Variants in NAA35 observed in about 807,000 individuals in gnomAD.
NAA35 encodes MAK10 homolog, amino-acid N-acetyltransferase subunit.
NAA35 carries 18 observed loss-of-function variants against 101.7 expected under a neutral mutation model. That is an observed-to-expected ratio of 0.18 (90% CI 0.12 to 0.26). NAA35 has a LOEUF of 0.26. Ranked by LOEUF, NAA35 falls within the 10% of genes least tolerant of loss-of-function variation. NAA35 has a pLI of 1.00. For missense variants in NAA35, 601 were observed against 886.8 expected (o/e 0.68, Z 4.09); for synonymous variants, 267 against 273.1 (o/e 0.98, Z 0.22).
chr9:85,948,861 G>A (rs1297301471), intron 2 of NAA35, among the ~76,000 whole-genome samples: 1 of 151,984 alleles, frequency 6.6e-6, no homozygotes, highest in African/African-American at 2.4e-5. Flanking sequence ...GGGTTCAGGC[G>A]ATTCTCCTGC....
chr9:85,996,167 C>G (rs568851837), intron 11 of NAA35, among the ~76,000 whole-genome samples: 1 of 152,248 alleles, frequency 6.6e-6, no homozygotes, highest in East Asian at 1.9e-4. Context: ...TCACCACTAT[C>G]ACCACCATGT....
intron 11 of NAA35, among the ~76,000 whole-genome samples, chr9:85,994,825 A>C (rs139830627): frequency 1.1e-3 from 175 of 152,292 alleles, no homozygotes; most frequent in African/African-American, 4.1e-3. Flanking sequence ...GATAGTACAG[A>C]AGGGAGACTA....
At chr9:85,955,327 C>CATATACATATATAT (rs1829195610) in intron 2 of NAA35, among the ~76,000 whole-genome samples, 1 of 82,864 alleles carries the variant, frequency 1.2e-5, no homozygotes, top group African/African-American at 5.0e-5. Context: ...CATCTATATA[C>CATATACATATATAT]ATATATATAT....
chr9:86,018,593 T>C (rs981648671), intron 20 of NAA35, 106 bp from the exon 21 acceptor site: 1 of 1,431,446 alleles, frequency 7.0e-7, no homozygotes, highest in African/African-American at 1.4e-5. Context: ...CCCCAGTGTC[T>C]GTGTATGAGT....
At chr9:86,006,341 C>G (rs573870849) in intron 13 of NAA35, among the ~76,000 whole-genome samples, 1 of 152,106 alleles carries the variant, frequency 6.6e-6, no homozygotes. Flanking sequence ...ACATTCTTCT[C>G]GAAACCTCTG....
rs376096017 is a variant in NAA35 at position 86,008,259 on chromosome 9, C to T, written c.1223+795C>T. ...TGTATTTTTAGTAGAGATGGGCTTT[C>T]GCTATGTTGGCCAGGCTGGTCTCAA... is the stretch of plus-strand genomic sequence containing the variant. On this transcript the variant is annotated intron_variant, in intron 14 of 22. Coordinates refer to ENST00000361671, the MANE Select transcript of NAA35 (RefSeq NM_024635.4). Among the ~76,000 whole-genome samples, 299 of 152,236 alleles carry T rather than the reference C, an allele frequency of 2.0e-3. 1 individual carries two copies. Among genetic ancestry groups the T allele is most frequent in the African/African-American group, 6.8e-3 (283 of 41,546 alleles).
chr9:85,950,159 TC>T (rs1416910243), intron 2 of NAA35, among the ~76,000 whole-genome samples: 1 of 152,228 alleles, frequency 6.6e-6, no homozygotes, highest in African/African-American at 2.4e-5. Flanking sequence ...CAGTCATTGA[TC>T]ATGCAGGGTG....
At chr9:85,996,956 ATTT>A (rs1035778925) in intron 12 of NAA35, among the ~76,000 whole-genome samples, 8 of 148,438 alleles carry the variant, frequency 5.4e-5, no homozygotes, top group African/African-American at 2.0e-4. Flanking sequence ...TTTTTTTTTA[ATTT>A]TTTTTGTGGA....
At chr9:86,015,664 C>A (rs1291317008) in intron 17 of NAA35, 1 of 853,220 alleles carries the variant, frequency 1.2e-6, no homozygotes, top group East Asian at 1.2e-4. Flanking sequence ...TCAGCACTCT[C>A]TTAGACATAA....
chr9:85,992,168 C>T (rs1252115645), intron 11 of NAA35, among the ~76,000 whole-genome samples: 11 of 66,164 alleles, frequency 1.7e-4, no homozygotes, highest in South Asian at 1.2e-3. Flanking sequence ...AGCAAGACTC[C>T]GTCTCAAAAA....
intron 2 of NAA35, among the ~76,000 whole-genome samples, chr9:85,955,638 C>T (rs1374785875): frequency 1.3e-5 from 2 of 152,120 alleles, no homozygotes; most frequent in African/African-American, 2.4e-5. Context: ...GCTGGGATTA[C>T]AGGCGTGAGC....
At chr9:85,941,342 G>C in intron 1 of NAA35, 69 bp downstream of exon 1, 2 of 985,572 alleles carry the variant, frequency 2.0e-6, no homozygotes, top group Non-Finnish European at 2.4e-6. Flanking sequence ...AGCCCCCCGC[G>C]CGTGTGGCAG....
intron 6 of NAA35, among the ~76,000 whole-genome samples, chr9:85,973,599 TA>T (rs542777226): frequency 8.9e-4 from 136 of 152,214 alleles, no homozygotes; most frequent in African/African-American, 3.2e-3. Context: ...TCTAGATAGG[TA>T]GTAGTGCCAT....
In NAA35 at chr9:85,975,111, T is replaced by C; in HGVS notation, c.584-3T>C. 1 of 1,613,552 alleles carries C rather than the reference T, an allele frequency of 6.2e-7. No homozygotes were observed. The highest frequency in any genetic ancestry group is 8.5e-7 in the Non-Finnish European group (1 of 1,179,718). ...TTTTAAAACTTATTGTTTCTTTTTC[T>C]AGGCATGCTAAAAGATGTGGAGGAT... On this transcript the variant is annotated splice_polypyrimidine_tract_variant and splice_region_variant and intron_variant, in intron 7 of 22. Transcript: ENST00000361671.
intron 11 of NAA35, among the ~76,000 whole-genome samples, chr9:85,980,278 A>G (rs1223657783): frequency 6.6e-6 from 1 of 152,038 alleles, no homozygotes; most frequent in Admixed American, 6.6e-5. Context: ...GTTTCCTTAC[A>G]TAGGCATGAT....
intron 6 of NAA35, among the ~76,000 whole-genome samples, chr9:85,966,234 C>T (rs1481976161): frequency 6.6e-6 from 1 of 152,112 alleles, no homozygotes; most frequent in Non-Finnish European, 1.5e-5. Context: ...AGCCACCACA[C>T]CTGACCTGTA....
At chr9:85,959,719 A>G (rs530031570) in intron 4 of NAA35, 74 bp from the exon 5 acceptor site, 5 of 944,736 alleles carry the variant, frequency 5.3e-6, no homozygotes, top group African/African-American at 5.0e-5. Context: ...TAGAAATCCA[A>G]AATGCTACTA....
At chr9:85,968,841 A>G (rs777701212) in intron 6 of NAA35, among the ~76,000 whole-genome samples, 13 of 152,172 alleles carry the variant, frequency 8.5e-5, no homozygotes, top group Non-Finnish European at 1.6e-4. Context: ...GATTGTATAA[A>G]TATTAATGAG....
chr9:85,973,754 T>G (rs1313325876), intron 6 of NAA35, among the ~76,000 whole-genome samples: 1 of 152,126 alleles, frequency 6.6e-6, no homozygotes, highest in Non-Finnish European at 1.5e-5. Context: ...TGAGTGTTTT[T>G]TTTTTTTAAG....
Sources: allele counts gnomAD v4.1 joint callset (sites outside exome capture counted in the v4.1 genomes callset), GRCh38; gene constraint gnomAD v4.1.1; transcripts MANE v1.5; gene names NCBI Gene and HGNC (gene_info 2026-07-23, HGNC 2026-07-21).